EXOC4: variants seen among roughly 807,000 people sequenced by gnomAD.
EXOC4 encodes the protein exocyst complex component 4.
Under a neutral mutation model 107.2 loss-of-function variants are expected in EXOC4, and 71 were observed. The ratio of observed to expected loss-of-function variants is 0.66; its 90% CI spans 0.55 to 0.81. The LOEUF (loss-of-function observed/expected upper bound fraction) is 0.81, where lower values mean the gene tolerates loss of function less well. EXOC4 is among the 30% of genes least tolerant of loss of function. The pLI, the probability that EXOC4 is intolerant of heterozygous loss-of-function variation, is 0.00. For synonymous variants in EXOC4, 456 were observed against 441.2 expected, an observed-to-expected ratio of 1.03 and a Z score of -0.42; for missense variants, 1,108 against 1,189.6, an observed-to-expected ratio of 0.93 and a Z score of 1.01.
intron 1 of EXOC4, among the ~76,000 whole-genome samples, chr7:133,260,777 A>T (rs552549834): frequency 6.6e-6 from 1 of 152,016 alleles, no homozygotes; most frequent in African/African-American, 2.4e-5. Context: ...TAATTCTTCA[A>T]TTGATCTCAG....
At chr7:133,330,755 C>T (rs1355497450) in intron 5 of EXOC4, among the ~76,000 whole-genome samples, 1 of 152,064 alleles carries the variant, frequency 6.6e-6, no homozygotes, top group African/African-American at 2.4e-5. Context: ...TCCCATCTTG[C>T]TTTGGCTCGC....
chr7:133,388,916 T>C (rs1796789237), intron 7 of EXOC4, among the ~76,000 whole-genome samples: 1 of 152,216 alleles, frequency 6.6e-6, no homozygotes, highest in African/African-American at 2.4e-5. Flanking sequence ...TTTTCCACAG[T>C]GTGGCTGGCT....
intron 10 of EXOC4, among the ~76,000 whole-genome samples, chr7:133,644,719 C>T (rs929064912): frequency 6.6e-6 from 1 of 152,110 alleles, no homozygotes; most frequent in African/African-American, 2.4e-5. Context: ...GGTGCCTGGG[C>T]ATGAAGAGAG....
intron 11 of EXOC4, among the ~76,000 whole-genome samples, chr7:133,886,260 C>T (rs1006433074): frequency 8.5e-5 from 13 of 152,302 alleles, no homozygotes; most frequent in South Asian, 8.3e-4. Context: ...AACACCACTT[C>T]GGTTTTCTTT....
intron 11 of EXOC4, among the ~76,000 whole-genome samples, chr7:133,829,320 G>A (rs1266250081): frequency 6.6e-6 from 1 of 152,146 alleles, no homozygotes; most frequent in African/African-American, 2.4e-5. Context: ...TTTTAGAGAA[G>A]GTGCATGTTC....
chr7:134,025,691 T>C (rs1795123791), intron 17 of EXOC4, among the ~76,000 whole-genome samples: 2 of 152,028 alleles, frequency 1.3e-5, no homozygotes, highest in Admixed American at 6.5e-5. Flanking sequence ...GTCTCAGAGA[T>C]TCCCCCTCTC....
At chr7:133,683,934 A>G (rs991034170) in intron 10 of EXOC4, among the ~76,000 whole-genome samples, 1 of 152,352 alleles carries the variant, frequency 6.6e-6, no homozygotes, top group East Asian at 1.9e-4. Flanking sequence ...TTTTTTCAAA[A>G]TTAAGCATAG....
chr7:133,706,822 T>A (rs531194737), intron 10 of EXOC4, among the ~76,000 whole-genome samples: 93 of 152,278 alleles, frequency 6.1e-4, no homozygotes, highest in Middle Eastern at 3.4e-3. Flanking sequence ...TACCTGTCTC[T>A]CTTCTTCTTT....
chr7:133,947,352 A>G (rs1460854833), intron 14 of EXOC4, among the ~76,000 whole-genome samples: 2 of 152,010 alleles, frequency 1.3e-5, no homozygotes, highest in Non-Finnish European at 2.9e-5. Flanking sequence ...CAAAACTGTT[A>G]ATATGTGTGT....
At chr7:133,333,067 T>C (rs923959105) in intron 5 of EXOC4, among the ~76,000 whole-genome samples, 1 of 152,228 alleles carries the variant, frequency 6.6e-6, no homozygotes, top group African/African-American at 2.4e-5. Context: ...TTATCAGGCG[T>C]TGGCCAAATC....
chr7:133,488,004 A>G (rs2150870867), intron 9 of EXOC4, among the ~76,000 whole-genome samples: 2 of 152,318 alleles, frequency 1.3e-5, no homozygotes, highest in Admixed American at 1.3e-4. Context: ...ACAAACATTT[A>G]TGGCATATGG....
intron 6 of EXOC4, among the ~76,000 whole-genome samples, chr7:133,359,590 T>G (rs576961886): frequency 1.3e-5 from 2 of 152,252 alleles, no homozygotes; most frequent in African/African-American, 4.8e-5. Flanking sequence ...AAATATCCTG[T>G]TCCAAAACAT....
chr7:133,297,252 T>C (rs1237628109), intron 3 of EXOC4, among the ~76,000 whole-genome samples: 1 of 152,202 alleles, frequency 6.6e-6, no homozygotes, highest in Non-Finnish European at 1.5e-5. Context: ...AATGAGATGA[T>C]TTAGTAGTTA....
chr7:133,429,487 A>G lies in EXOC4; in HGVS notation c.1183-45841A>G, dbSNP rs763986936. On this transcript the variant is annotated intron_variant, in intron 7 of 17. Coordinates refer to ENST00000253861, the MANE Select transcript of EXOC4 (RefSeq NM_021807.4). ...TCACCATTTTAAAGAATATAACTCA[A>G]TAGGTTTTAGTATATTCACAGGGTT... is the stretch of plus-strand genomic sequence containing the variant. Among the ~76,000 whole-genome samples the G allele has an allele frequency of 5.3e-5, 8 of 152,226 alleles. No individual in the cohort carries two copies. The East Asian group carries it at 5.8e-4, about 11-fold the overall frequency.
intron 9 of EXOC4, among the ~76,000 whole-genome samples, chr7:133,540,422 T>G (rs1267536894): frequency 6.6e-6 from 1 of 152,188 alleles, no homozygotes; most frequent in Non-Finnish European, 1.5e-5. Context: ...CCAGTGTAAC[T>G]CCAACTGATT....
intron 5 of EXOC4, among the ~76,000 whole-genome samples, chr7:133,352,108 C>T (rs980164447): frequency 3.3e-5 from 5 of 151,814 alleles, no homozygotes; most frequent in Non-Finnish European, 5.9e-5. Context: ...ATGGTTTGTC[C>T]TGGAAAATGT....
At chr7:133,761,307 A>G (rs540121036) in intron 10 of EXOC4, among the ~76,000 whole-genome samples, 1 of 152,310 alleles carries the variant, frequency 6.6e-6, no homozygotes, top group African/African-American at 2.4e-5. Context: ...CTTCTAAAGT[A>G]TCTGAAACAG....
At chr7:133,801,652 G>A (rs1264474422) in intron 10 of EXOC4, among the ~76,000 whole-genome samples, 2 of 152,196 alleles carry the variant, frequency 1.3e-5, no homozygotes, top group African/African-American at 4.8e-5. Flanking sequence ...CCAGGTTACA[G>A]AGAAACCCAC....
At chr7:133,397,256 A>G (rs569782582) in intron 7 of EXOC4, among the ~76,000 whole-genome samples, 62 of 150,734 alleles carry the variant, frequency 4.1e-4, no homozygotes, top group African/African-American at 1.5e-3. Flanking sequence ...CAGCCTCCTG[A>G]AGCAGCTGGA....
Sources: allele counts gnomAD v4.1 joint callset (sites outside exome capture counted in the v4.1 genomes callset), GRCh38; gene constraint gnomAD v4.1.1; transcripts MANE v1.5; gene names NCBI Gene and HGNC (gene_info 2026-07-23, HGNC 2026-07-21).